The following HECTD2 variants were observed in gnomAD, a reference collection of about 807,000 sequenced individuals.
The protein encoded by HECTD2 is HECT domain E3 ubiquitin protein ligase 2.
In HECTD2, 35 loss-of-function variants were observed where a neutral mutation model predicts 103.2. The observed-to-expected ratio is 0.34, with a 90% CI of 0.26 to 0.45. HECTD2 has a LOEUF of 0.45. Among genes scored for constraint, HECTD2 ranks in the 20% least tolerant of loss-of-function variants. The pLI, the probability that HECTD2 is intolerant of heterozygous loss-of-function variation, is 1.00. For synonymous variants in HECTD2, 281 were observed against 329.9 expected (o/e 0.85, Z 1.61); for missense variants, 596 against 937.4 (o/e 0.64, Z 4.76).
intron 1 of HECTD2, among the ~76,000 whole-genome samples, chr10:91,421,540 G>GT (rs938147824): frequency 1.3e-5 from 2 of 152,184 alleles, no homozygotes; most frequent in African/African-American, 2.4e-5. Flanking sequence ...TTTTAAGAAA[G>GT]TTTATGAATT....
chr10:91,445,268 T>A (rs1030726173), intron 2 of HECTD2, among the ~76,000 whole-genome samples: 1 of 152,146 alleles, frequency 6.6e-6, no homozygotes, highest in African/African-American at 2.4e-5. Context: ...ACAGCAGTAT[T>A]GGAGGTAAAG....
chr10:91,476,388 A>T (rs1845902648), intron 5 of HECTD2, among the ~76,000 whole-genome samples: 2 of 152,162 alleles, frequency 1.3e-5, no homozygotes, highest in Admixed American at 1.3e-4. Flanking sequence ...ACACCTGCTC[A>T]ATCACCCAGA....
intron 1 of HECTD2, among the ~76,000 whole-genome samples, chr10:91,414,582 A>T (rs1843045992): frequency 6.6e-6 from 1 of 152,264 alleles, no homozygotes. Context: ...AATGAGCCAT[A>T]GAAACAATTT....
chr10:91,474,593 CTT>C (rs1845840997), intron 5 of HECTD2, among the ~76,000 whole-genome samples: 1 of 151,998 alleles, frequency 6.6e-6, no homozygotes, highest in Non-Finnish European at 1.5e-5. Context: ...AAGGATTCAA[CTT>C]AAGTATGCAA....
chr10:91,434,687 A>G lies in HECTD2; in HGVS notation c.268+9277A>G, dbSNP rs573316621. ...TACACCCATGTGAATTTAGTTTTCC[A>G]TTTTATTATTTGTTTTTATACATAG... On this transcript the variant is annotated intron_variant, in intron 2 of 20. Transcript: ENST00000298068. 2.8e-4 allele frequency among the ~76,000 whole-genome samples: 42 copies of G among 151,744 alleles called. No homozygotes were observed. The South Asian group carries it at 6.6e-3, about 24-fold the overall frequency.
intron 13 of HECTD2, 147 bp downstream of exon 13, chr10:91,492,631 C>A: frequency 1.5e-6 from 1 of 666,884 alleles, no homozygotes; most frequent in Non-Finnish European, 2.5e-6. Context: ...CTGTTATTTA[C>A]ATTTTAAAAA....
intron 2 of HECTD2, among the ~76,000 whole-genome samples, chr10:91,444,205 T>C (rs1175128561): frequency 6.6e-6 from 1 of 152,186 alleles, no homozygotes; most frequent in African/African-American, 2.4e-5. Flanking sequence ...ACAAACAGAT[T>C]CATTCAAATA....
chr10:91,498,960 G>A lies in HECTD2; in HGVS notation c.1843+1G>A. 6.3e-7 allele frequency: 1 copy of A among 1,579,970 alleles called. No individual in the cohort carries two copies. The highest frequency in any genetic ancestry group is 8.7e-7 in the Non-Finnish European group (1 of 1,150,582). On this transcript the variant is annotated splice_donor_variant, in intron 17 of 20. Transcript: ENST00000298068. LOFTEE classifies it high-confidence loss of function. ...TCAGTTACCAATCAAAATAGAAAAG[G>A]TAAGTTAATACCCTTTTTAATTAAA...
At chr10:91,482,272 GT>G (rs1846115473) in intron 7 of HECTD2, among the ~76,000 whole-genome samples, 5 of 151,694 alleles carry the variant, frequency 3.3e-5, no homozygotes, top group Admixed American at 3.3e-4. Context: ...ATTTCAGGAG[GT>G]TTTTTTCAAT....
intron 2 of HECTD2, among the ~76,000 whole-genome samples, chr10:91,445,482 G>C (rs1201648009): frequency 1.3e-5 from 2 of 152,106 alleles, no homozygotes; most frequent in Non-Finnish European, 2.9e-5. Flanking sequence ...AGAAGTATGG[G>C]ACTGGGTCAT....
At chr10:91,482,453 T>C (rs564770203) in intron 7 of HECTD2, among the ~76,000 whole-genome samples, 2 of 152,102 alleles carry the variant, frequency 1.3e-5, no homozygotes, top group African/African-American at 2.4e-5. Context: ...CTTTGTGATA[T>C]ATGAGGCTAA....
At position 91,481,091 on chromosome 10, in the gene HECTD2, C is replaced by A; in HGVS notation, c.666-3C>A. ...TAATAAATTATTCTTGTTTCTTTTT[C>A]AGTCCACGAACAAAAGATGATCTTA... On this transcript the variant is annotated splice_polypyrimidine_tract_variant and splice_region_variant and intron_variant, in intron 6 of 20. Transcript: ENST00000298068. 1 of 1,468,896 alleles carries A rather than the reference C, an allele frequency of 6.8e-7. No homozygotes were observed. The highest frequency in any genetic ancestry group is 1.2e-5 in the South Asian group (1 of 80,860). The allele number at this position is 1,468,896 out of a possible 1,614,324, so 91.0% of individuals were successfully genotyped here.
chr10:91,421,378 C>T (rs957177929), intron 1 of HECTD2, among the ~76,000 whole-genome samples: 1 of 152,064 alleles, frequency 6.6e-6, no homozygotes, highest in Non-Finnish European at 1.5e-5. Flanking sequence ...CAATATTTCC[C>T]ACAGTTCTGT....
At chr10:91,465,344 G>A (rs1845494261) in intron 5 of HECTD2, among the ~76,000 whole-genome samples, 1 of 152,120 alleles carries the variant, frequency 6.6e-6, no homozygotes, top group Non-Finnish European at 1.5e-5. Flanking sequence ...GAGTGTGTAT[G>A]TTCTAGCCCT....
At chr10:91,415,145 A>ATC (rs1843069365) in intron 1 of HECTD2, among the ~76,000 whole-genome samples, 1 of 151,684 alleles carries the variant, frequency 6.6e-6, no homozygotes, top group African/African-American at 2.4e-5. Context: ...AATAAAGGAA[A>ATC]AGGACTCAGG....
intron 20 of HECTD2, among the ~76,000 whole-genome samples, chr10:91,504,461 C>G (rs1481418135): frequency 6.6e-6 from 1 of 152,014 alleles, no homozygotes; most frequent in Admixed American, 6.6e-5. Flanking sequence ...AACCAAGGCT[C>G]GAGAACCACG....
At position 91,410,417 on chromosome 10, in the gene HECTD2, C is replaced by T; in HGVS notation, c.-22C>T. 4 of 1,363,344 alleles carry T rather than the reference C, an allele frequency of 2.9e-6. No homozygotes were observed. Among genetic ancestry groups the T allele is most frequent in the East Asian group, 3.1e-5 (1 of 31,752 alleles). The allele number at this position is 1,363,344 out of a possible 1,614,324, so 84.5% of individuals were successfully genotyped here. A position where few individuals can be genotyped will look rare whatever the true frequency, so the allele number is the denominator to read the frequency against. On this transcript the variant is annotated 5_prime_UTR_variant, in exon 1 of 21. Coordinates refer to ENST00000298068, the MANE Select transcript of HECTD2 (RefSeq NM_182765.6). Reference sequence around the variant, plus strand: ...CACTGAGGCCGCCGCCGCCGCCTGGCGCTCCCGCCGCCCGGCCCGACATGA... The same window carrying T: ...CACTGAGGCCGCCGCCGCCGCCTGGTGCTCCCGCCGCCCGGCCCGACATGA...
At chr10:91,498,018 A>G (rs1344377151) in intron 15 of HECTD2, 90 bp from the exon 16 acceptor site, 4 of 792,022 alleles carry the variant, frequency 5.1e-6, no homozygotes, top group Non-Finnish European at 8.9e-6. Context: ...TGATCTTTAT[A>G]TACATATGCA....
At chr10:91,493,327 C>T in intron 13 of HECTD2, 93 bp from the exon 14 acceptor site, 2 of 558,310 alleles carry the variant, frequency 3.6e-6, no homozygotes, top group Non-Finnish European at 6.0e-6. Context: ...AATTGATTAG[C>T]TTCTAATAGA....
Sources: allele counts gnomAD v4.1 joint callset (sites outside exome capture counted in the v4.1 genomes callset), GRCh38; gene constraint gnomAD v4.1.1; transcripts MANE v1.5; gene names NCBI Gene and HGNC (gene_info 2026-07-23, HGNC 2026-07-21).